SPDYE1: variants seen among roughly 807,000 people sequenced by gnomAD.
SPDYE1 encodes speedy protein E1.
In SPDYE1, 29 loss-of-function variants were observed where a neutral mutation model predicts 45.9. The observed-to-expected ratio is 0.63, with a 90% CI of 0.47 to 0.86. The LOEUF is 0.86. Ranked by LOEUF, SPDYE1 falls within the 40% of genes least tolerant of loss-of-function variation. SPDYE1 has a pLI of 0.00. For synonymous variants in SPDYE1, 134 were observed against 176.8 expected, an observed-to-expected ratio of 0.76 and a Z score of 1.92; for missense variants, 346 against 481.4, an observed-to-expected ratio of 0.72 and a Z score of 2.63.
intron 8 of SPDYE1, among the ~76,000 whole-genome samples, chr7:44,008,041 C>A (rs975418996): frequency 6.6e-6 from 1 of 152,250 alleles, no homozygotes; most frequent in East Asian, 1.9e-4. Context: ...CTGCACGGAG[C>A]CCTGATCCTG....
At position 44,009,570 on chromosome 7, in the gene SPDYE1, T is replaced by C. The variant is rs1342768138; in HGVS notation, c.*949T>C. 1.3e-5 allele frequency: 2 copies of C among 148,996 alleles called. No homozygotes were observed. Among genetic ancestry groups the C allele is most frequent in the Non-Finnish European group, 3.0e-5 (2 of 67,338 alleles). 9.2% of individuals were successfully genotyped at this position (148,996 alleles called of 1,614,324 possible). On this transcript the variant is annotated 3_prime_UTR_variant, in exon 9 of 9. Transcript: ENST00000693451. ...TGGTTTATTTTGAAAAACATGGGTA[T>C]AGAATTATTTAAATATTATTTTATT... is the stretch of plus-strand genomic sequence containing the variant.
At position 43,999,799 on chromosome 7, in the gene SPDYE1, C is replaced by A. The variant is rs1171723112; in HGVS notation, c.-151C>A. Reference sequence around the variant, plus strand: ...TGAACGATGACATCAGAGATTCCGACCTTCCTGATTGGAGGGACCGGACTC... The same window carrying A: ...TGAACGATGACATCAGAGATTCCGAACTTCCTGATTGGAGGGACCGGACTC... On this transcript the variant is annotated 5_prime_UTR_variant, in exon 2 of 9. Transcript: ENST00000693451. Among the ~76,000 whole-genome samples the A allele has an allele frequency of 6.9e-6, 1 of 145,636 alleles. No individual in the cohort carries two copies. The highest frequency in any genetic ancestry group is 2.0e-4 in the East Asian group (1 of 5,044).
At position 44,009,652 on chromosome 7, in the gene SPDYE1, A is replaced by G. The variant is rs1281830602; in HGVS notation, c.*1031A>G. ...TTTAAATGTTATTATTACTTTAAATATTATTTTAAATATTTTGGAAATACT... is the reference window on the plus strand; with the variant it reads ...TTTAAATGTTATTATTACTTTAAATGTTATTTTAAATATTTTGGAAATACT... On this transcript the variant is annotated 3_prime_UTR_variant, in exon 9 of 9. Transcript: ENST00000693451. The G allele has an allele frequency of 2.0e-5, 3 of 149,404 alleles. No individual in the cohort carries two copies. The highest frequency in any genetic ancestry group is 4.4e-5 in the Non-Finnish European group (3 of 67,470). 9.3% of individuals were successfully genotyped at this position (149,404 alleles called of 1,614,324 possible).
intron 5 of SPDYE1, 93 bp from the exon 6 acceptor site, chr7:44,005,049 G>A (rs1379124358): frequency 1.4e-6 from 2 of 1,430,874 alleles, no homozygotes; most frequent in Non-Finnish European, 2.0e-6. Context: ...TCTCTGATGG[G>A]CAGCCCCTCC....
rs535505376 is a variant in SPDYE1, at chr7:44,006,547, G to A, written c.753-721G>A. Among the ~76,000 whole-genome samples, 108 of 151,484 alleles carry A rather than the reference G, an allele frequency of 7.1e-4. 2 individuals are homozygous for A. In the South Asian group the frequency reaches 0.02, roughly 28 times the overall value. ...CAGCCTCCATATCCTGGGCTCAAGC[G>A]ATCCTCCCACCTCAGCTTCTTTATT... On this transcript the variant is annotated intron_variant, in intron 6 of 8. Transcript: ENST00000693451.
intron 6 of SPDYE1, 86 bp downstream of exon 6, chr7:44,005,313 T>C: frequency 6.8e-7 from 1 of 1,480,672 alleles, no homozygotes; most frequent in Non-Finnish European, 9.4e-7. Context: ...CATTTATTCT[T>C]TCACCTATTT....
At chr7:44,008,284 A>T (rs2096074624) in intron 8 of SPDYE1, among the ~76,000 whole-genome samples, 1 of 152,230 alleles carries the variant, frequency 6.6e-6, no homozygotes, top group Admixed American at 6.5e-5. Flanking sequence ...GTGGTTCGTG[A>T]TGTTGTCACA....
At chr7:44,001,402 A>G in intron 3 of SPDYE1, 118 bp downstream of exon 3, 2 of 1,518,370 alleles carry the variant, frequency 1.3e-6, no homozygotes, top group Non-Finnish European at 1.7e-6. Flanking sequence ...ATCTCCACGC[A>G]GGAGGACTCA....
rs1046389417 is a variant in SPDYE1, at chr7:43,999,566, C to A, written c.-384C>A. On this transcript the variant is annotated 5_prime_UTR_variant, in exon 2 of 9. Transcript: ENST00000693451. ...ATGGGCACGTACAGAGACGAAGAGA[C>A]CCCAACATGCTTCAGGCTTTGAGTG... Among the ~76,000 whole-genome samples, 14 of 152,074 alleles carry A rather than the reference C, an allele frequency of 9.2e-5. No homozygotes were observed. Among genetic ancestry groups the A allele is most frequent in the Non-Finnish European group, 1.8e-4 (12 of 68,002 alleles).
chr7:44,008,456 G>T (rs1251862164), intron 8 of SPDYE1, among the ~76,000 whole-genome samples: 1 of 152,222 alleles, frequency 6.6e-6, no homozygotes, highest in Non-Finnish European at 1.5e-5. Flanking sequence ...CTGACCTTGG[G>T]TGTATTAAGT....
At chr7:44,007,916 G>A (rs550367855) in intron 8 of SPDYE1, 103 bp downstream of exon 8, 311 of 1,527,764 alleles carry the variant, frequency 2.0e-4, no homozygotes, top group Middle Eastern at 4.6e-4. Context: ...GCAACGTGGC[G>A]AGATCCCCTC....
intron 3 of SPDYE1, 24 bp downstream of exon 3, chr7:44,001,308 C>A (rs1467233111): frequency 6.3e-7 from 1 of 1,597,066 alleles, no homozygotes; most frequent in East Asian, 2.2e-5. Context: ...CCAGAGAGCA[C>A]CTCCAATCCT....
In SPDYE1 at chr7:44,001,221, C is replaced by G. The variant is rs2096062516; in HGVS notation, c.316C>G (p.Leu106Val). The G allele has an allele frequency of 6.3e-7, 1 of 1,597,876 alleles. No homozygotes were observed. The highest frequency in any genetic ancestry group is 1.1e-5 in the South Asian group (1 of 91,000). The change falls in exon 3 of 9, where the codon CTG becomes GTG. Residue 106 changes from leucine (L) to valine (V), a missense_variant. Physicochemically the swap from Leu to Val is conservative, Grantham distance 32. Coordinates refer to ENST00000693451, the MANE Select transcript of SPDYE1 (RefSeq NM_001378423.2). ...VETLCGLKMK[L>V]KQQRVSPILL... The stretch of plus-strand genomic sequence containing the variant: ...GACGCTGTGTGGGCTCAAGATGAAG[C>G]TGAAGCAACAGCGAGTGTCACCCAT...
rs1260311707 is a variant in SPDYE1 at position 44,001,125 on chromosome 7, T to A, written c.220T>A (p.Trp74Arg). ...CCTTGGCTGGAAAAGGAAGAGGGAG[T>A]GGTCAGATGAATCTGAGGAGGAGCC... ...RSLGWKRKRE[W>R]SDESEEEPEK... The change falls in exon 3 of 9, where the codon TGG becomes AGG. Residue 74 changes from tryptophan (W) to arginine (R), a missense_variant. Transcript: ENST00000693451. 1 of 1,597,080 alleles carries A rather than the reference T, an allele frequency of 6.3e-7. No individual in the cohort carries two copies. Among genetic ancestry groups the A allele is most frequent in the East Asian group, 2.2e-5 (1 of 44,764 alleles).
In SPDYE1 at chr7:44,009,533, ATAC is replaced by A. The variant is rs1162242548; in HGVS notation, c.*915_*917del. The A allele has an allele frequency of 1.3e-5, 2 of 150,720 alleles. No individual in the cohort carries two copies. Among genetic ancestry groups the A allele is most frequent in the African/African-American group, 4.8e-5 (2 of 41,254 alleles). The allele number at this position is 150,720 out of a possible 1,614,324, so 9.3% of individuals were successfully genotyped here. A position where few individuals can be genotyped will look rare whatever the true frequency, so the allele number is the denominator to read the frequency against. ...ATATATATACTAACACGTCTAATAT[ATAC>A]TATTTTATTGGTTTATTTTGAAAAA... On this transcript the variant is annotated 3_prime_UTR_variant, in exon 9 of 9. Transcript: ENST00000693451.
rs1585945174 is a variant in SPDYE1, at chr7:44,009,787, C to A, written c.*1166C>A. On this transcript the variant is annotated 3_prime_UTR_variant, in exon 9 of 9. Transcript: ENST00000693451. ...CTTTTTAAGAGAGGATTCTTTTCAT[C>A]CTAAATCTTTTACCTTTCAATCTTT... 1 of 151,398 alleles carries A rather than the reference C, an allele frequency of 6.6e-6. No individual in the cohort carries two copies. Among genetic ancestry groups the A allele is most frequent in the Non-Finnish European group, 1.5e-5 (1 of 67,852 alleles). 9.4% of individuals were successfully genotyped at this position (151,398 alleles called of 1,614,324 possible).
At chr7:44,005,073 C>T (rs2096069323) in intron 5 of SPDYE1, 69 bp from the exon 6 acceptor site, 3 of 1,547,718 alleles carry the variant, frequency 1.9e-6, no homozygotes, top group Admixed American at 1.7e-5. Context: ...GACCCTCATT[C>T]CCCCTCTCCA....
intron 3 of SPDYE1, 119 bp downstream of exon 3, chr7:44,001,403 G>C: frequency 6.6e-7 from 1 of 1,519,272 alleles, no homozygotes; most frequent in Non-Finnish European, 8.7e-7. Context: ...TCTCCACGCA[G>C]GAGGACTCAG....
Position 44,008,281 on chromosome 7 carries a change from G to A in SPDYE1, c.*46-386G>A, listed in dbSNP as rs577746618. On this transcript the variant is annotated intron_variant, in intron 8 of 8. Coordinates refer to ENST00000693451, the MANE Select transcript of SPDYE1 (RefSeq NM_001378423.2). ...GATTAGGCTTCTGGACTTGTGGTTC[G>A]TGATGTTGTCACATTAGAAACACAT... 6.9e-4 allele frequency among the ~76,000 whole-genome samples: 105 copies of A among 152,332 alleles called. 2 individuals are homozygous for A. In the South Asian group the frequency reaches 0.02, roughly 29 times the overall value.
Sources: gnomAD v4.1 joint callset for allele counts (sites outside exome capture counted in the v4.1 genomes callset) on GRCh38, gnomAD v4.1.1 for gene constraint, MANE v1.5 for transcripts, NCBI Gene and HGNC (gene_info 2026-07-23, HGNC 2026-07-21) for gene names.